Variants in SLC17A1 observed in about 807,000 individuals in gnomAD.
The protein encoded by SLC17A1 is solute carrier family 17 member 1, also known as sodium-dependent phosphate transport protein 1.
SLC17A1 carries 51 observed loss-of-function variants against 53.5 expected under a neutral mutation model. The ratio of observed to expected loss-of-function variants is 0.95; its 90% CI spans 0.76 to 1.20. The LOEUF (loss-of-function observed/expected upper bound fraction) is 1.20. Among genes scored for constraint, SLC17A1 ranks in the 50% most tolerant of loss-of-function variants. The pLI is 0.00. For missense variants in SLC17A1, 538 were observed against 568.2 expected, an observed-to-expected ratio of 0.95 and a Z score of 0.54; for synonymous variants, 179 against 198.8, an observed-to-expected ratio of 0.90 and a Z score of 0.84.
At chr6:25,734,691 ACC>A in the SLC17A1 span, among the ~76,000 whole-genome samples, 1 of 152,212 alleles carries the variant, frequency 6.6e-6, no homozygotes, top group Non-Finnish European at 1.5e-5. Context: ...TAAAATGCAA[ACC>A]TGTTTGCTAA....
At chr6:25,730,613 G>C in the SLC17A1 span, among the ~76,000 whole-genome samples, 2 of 152,160 alleles carry the variant, frequency 1.3e-5, no homozygotes, top group African/African-American at 2.4e-5. Context: ...ATGTTGTATT[G>C]AAAATTGCAA....
intron 10 of SLC17A1, among the ~76,000 whole-genome samples, chr6:25,803,633 T>C (rs1016970912): frequency 1.3e-5 from 2 of 152,090 alleles, no homozygotes; most frequent in Admixed American, 6.6e-5. Flanking sequence ...CTAGGTAAAA[T>C]TTCAGACCAG....
the SLC17A1 span, among the ~76,000 whole-genome samples, chr6:25,775,230 G>A: frequency 6.6e-6 from 1 of 151,870 alleles, no homozygotes; most frequent in Non-Finnish European, 1.5e-5. Context: ...TACTTAGGAG[G>A]CTGAGGCATG....
At chr6:25,726,920 G>A in the SLC17A1 span, 8 of 1,612,468 alleles carry the variant, frequency 5.0e-6, no homozygotes, top group South Asian at 1.1e-5. Flanking sequence ...TGCCGGAGGT[G>A]TCATCTAAAG....
the SLC17A1 span, chr6:25,727,403 T>G: frequency 6.0e-6 from 6 of 1,002,346 alleles, no homozygotes; most frequent in African/African-American, 9.8e-5. Flanking sequence ...GTAAGGGTTT[T>G]TTTTTTTTTT....
chr6:25,789,392 GAAATATTTACATAGTTCCAAAGTATGT>G lies in SLC17A1; in HGVS notation c.*3-6201_*3-6175del, dbSNP rs879575749. Among the ~76,000 whole-genome samples the G allele has an allele frequency of 2.2e-3, 341 of 152,244 alleles. 2 individuals are homozygous for G. The highest frequency in any genetic ancestry group is 6.8e-3 in the Middle Eastern group (2 of 294). Reference sequence around the variant, plus strand: ...ATAAATTGAAAGTCTGATGTAGGATGAAATATTTACATAGTTCCAAAGTATGTAAATATTTACATAGTTCCAAAGTAT... The same window carrying G: ...ATAAATTGAAAGTCTGATGTAGGATGAAATATTTACATAGTTCCAAAGTAT... On this transcript the variant is annotated intron_variant, in intron 12 of 12. Coordinates refer to ENST00000244527, the MANE Select transcript of SLC17A1 (RefSeq NM_005074.5).
chr6:25,796,513 C>T (rs962305831), intron 12 of SLC17A1, among the ~76,000 whole-genome samples: 8 of 151,916 alleles, frequency 5.3e-5, no homozygotes, highest in African/African-American at 1.2e-4. Flanking sequence ...GGCTGAGGCA[C>T]GAGGATTACT....
chr6:25,772,490 G>A, the SLC17A1 span, among the ~76,000 whole-genome samples: 387 of 152,200 alleles, frequency 2.5e-3, 2 homozygotes, highest in African/African-American at 7.1e-3. Context: ...GAGCTCATAA[G>A]ATTTCTTAAG....
At chr6:25,774,798 A>G in the SLC17A1 span, among the ~76,000 whole-genome samples, 2 of 152,228 alleles carry the variant, frequency 1.3e-5, no homozygotes, top group African/African-American at 4.8e-5. Context: ...TAAAAAGTCA[A>G]GAGACCTGGA....
chr6:25,811,292 G>T, intron 10 of SLC17A1, 106 bp downstream of exon 10: 1 of 1,250,450 alleles, frequency 8.0e-7, no homozygotes, highest in Non-Finnish European at 1.1e-6. Context: ...CTCGATTTTA[G>T]CCATTCCACA....
At chr6:25,779,221 T>C (rs375882275), downstream of SLC17A1, 32 of 1,609,860 alleles carry the variant, frequency 2.0e-5, no homozygotes, top group African/African-American at 2.5e-4. Flanking sequence ...TCCTGGTGCT[T>C]AGTTCATCAT....
intron 12 of SLC17A1, among the ~76,000 whole-genome samples, chr6:25,791,208 T>G (rs1337927883): frequency 6.6e-6 from 1 of 152,142 alleles, no homozygotes; most frequent in Non-Finnish European, 1.5e-5. Context: ...CCCCATTGGA[T>G]TTATTGCAAT....
At chr6:25,805,121 C>A (rs1301262723) in intron 10 of SLC17A1, among the ~76,000 whole-genome samples, 1 of 151,920 alleles carries the variant, frequency 6.6e-6, no homozygotes, top group Non-Finnish European at 1.5e-5. Flanking sequence ...CAAGATACAC[C>A]GTATGATAGG....
chr6:25,774,028 A>G, the SLC17A1 span, among the ~76,000 whole-genome samples: 1 of 152,216 alleles, frequency 6.6e-6, no homozygotes, highest in Non-Finnish European at 1.5e-5. Context: ...TGCTGGCAGC[A>G]TAAATAATAA....
chr6:25,747,347 A>G, the SLC17A1 span, among the ~76,000 whole-genome samples: 2 of 152,232 alleles, frequency 1.3e-5, no homozygotes, highest in African/African-American at 4.8e-5. Flanking sequence ...CATTTCCACA[A>G]TGTAAGAGCT....
intron 3 of SLC17A1, among the ~76,000 whole-genome samples, chr6:25,820,172 T>C (rs977837469): frequency 1.3e-5 from 2 of 152,210 alleles, no homozygotes; most frequent in African/African-American, 4.8e-5. Context: ...TTTCACAGCA[T>C]AGACATTTAA....
intron 6 of SLC17A1, among the ~76,000 whole-genome samples, chr6:25,814,801 T>C (rs1764279541): frequency 6.6e-6 from 1 of 152,044 alleles, no homozygotes. Context: ...CTGGTCAACA[T>C]GGTGAAGCCC....
downstream of SLC17A1, chr6:25,779,066 G>T: frequency 6.2e-7 from 1 of 1,613,718 alleles, no homozygotes; most frequent in Middle Eastern, 1.7e-4. Context: ...TTCAGAGTTT[G>T]GTTGGAGAAA....
At chr6:25,727,399 G>GGT in the SLC17A1 span, 13 of 684,460 alleles carry the variant, frequency 1.9e-5, no homozygotes, top group Non-Finnish European at 2.6e-5. Flanking sequence ...AACCGTAAGG[G>GGT]TTTTTTTTTT....
Sources: allele counts gnomAD v4.1 joint callset (sites outside exome capture counted in the v4.1 genomes callset), GRCh38; gene constraint gnomAD v4.1.1; transcripts MANE v1.5; gene names NCBI Gene and HGNC (gene_info 2026-07-23, HGNC 2026-07-21).